The following HSPA4 variants were observed in gnomAD, a reference collection of about 807,000 sequenced individuals.
The protein encoded by HSPA4 is heat shock protein family A (Hsp70) member 4, also known as heat shock 70 kDa protein 4.
Under a neutral mutation model 106.2 loss-of-function variants are expected in HSPA4, and 25 were observed. The ratio of observed to expected loss-of-function variants is 0.24; its 90% CI spans 0.17 to 0.33. HSPA4 has a LOEUF of 0.33. HSPA4 is among the 10% of genes least tolerant of loss of function. HSPA4 has a pLI of 1.00. For synonymous variants in HSPA4, 332 were observed against 333.6 expected (o/e 1.00, Z 0.05); for missense variants, 841 against 996.0 (o/e 0.84, Z 2.10).
intron 6 of HSPA4, 104 bp downstream of exon 6, chr5:133,074,230 A>G (rs557194893): frequency 2.9e-6 from 2 of 683,028 alleles, no homozygotes; most frequent in Admixed American, 2.8e-5. Context: ...GAAACAATGC[A>G]TACCTTACAG....
At position 133,076,768 on chromosome 5, in the gene HSPA4, A is replaced by G. The variant is rs1765450718; in HGVS notation, c.778A>G (p.Ile260Val). The change falls in exon 7 of 19, where the codon ATC (isoleucine) becomes GTC (valine). Residue 260 changes from isoleucine to valine, a missense_variant. Physicochemically the swap from Ile to Val is conservative, Grantham distance 29. Coordinates refer to ENST00000304858, the MANE Select transcript of HSPA4 (RefSeq NM_002154.4). The stretch of plus-strand genomic sequence containing the variant: ...ATACAAGCTAGACATTAAGTCCAAA[A>G]TCCGTGCATTATTACGACTCTCTCA... ...KKYKLDIKSK[I>V]RALLRLSQEC... 3 of 1,613,970 alleles carry G rather than the reference A, an allele frequency of 1.9e-6. No homozygotes were observed. Among genetic ancestry groups the G allele is most frequent in the Admixed American group, 1.7e-5 (1 of 60,010 alleles).
chr5:133,091,000 TAAG>T, intron 11 of HSPA4, 190 bp from the exon 12 acceptor site: 2 of 677,138 alleles, frequency 3.0e-6, no homozygotes, highest in Admixed American at 2.0e-5. Flanking sequence ...GATAAGATAA[TAAG>T]AGACTGTGAA....
Position 133,096,100 on chromosome 5 carries a change from C to A in HSPA4, c.1653C>A (p.Thr551=). 3.7e-6 allele frequency: 6 copies of A among 1,612,966 alleles called. No homozygotes were observed. The highest frequency in any genetic ancestry group is 5.1e-6 in the Non-Finnish European group (6 of 1,179,398). ...CTTAATGATTTCTATTGTTTTAGACCTCTCAAGCTGGATCCAAGGATAAAA... is the reference window on the plus strand; with the variant it reads ...CTTAATGATTTCTATTGTTTTAGACATCTCAAGCTGGATCCAAGGATAAAA... ...ENKAESEEME[T]SQAGSKDKKM... Residue 551 remains threonine (T), a splice_region_variant and synonymous_variant, in exon 14 of 19, where the codon ACC becomes ACA. Coordinates refer to ENST00000304858, the MANE Select transcript of HSPA4 (RefSeq NM_002154.4).
intron 3 of HSPA4, among the ~76,000 whole-genome samples, chr5:133,068,431 A>AGG (rs375057052): frequency 4.1e-5 from 6 of 146,036 alleles, no homozygotes; most frequent in African/African-American, 1.5e-4. Context: ...GGAATCCATG[A>AGG]GGGGGGGTGG....
intron 7 of HSPA4, among the ~76,000 whole-genome samples, chr5:133,081,411 A>G (rs1338930699): frequency 6.6e-6 from 1 of 151,876 alleles, no homozygotes; most frequent in African/African-American, 2.4e-5. Flanking sequence ...TTTTGTGTTT[A>G]CTGTGTTGTT....
At chr5:133,074,270 TTCTTTTTTTTC>T (rs887934337) in intron 6 of HSPA4, 144 bp downstream of exon 6, 12 of 468,788 alleles carry the variant, frequency 2.6e-5, no homozygotes, top group Middle Eastern at 1.2e-3. Flanking sequence ...TTTCTTTTCT[TTCTTTTTTTTC>T]TCTTTTTTTT....
At chr5:133,077,045 T>A (rs1166667239) in intron 7 of HSPA4, 147 bp downstream of exon 7, 5 of 659,800 alleles carry the variant, frequency 7.6e-6, no homozygotes, top group Non-Finnish European at 1.3e-5. Flanking sequence ...TTCAGGACCC[T>A]GCTTTTTATG....
rs377304253 is a variant in HSPA4 at position 133,068,169 on chromosome 5, G to GGT, written c.306+613_306+614insTG. Among the ~76,000 whole-genome samples the GGT allele has an allele frequency of 1.4e-3, 208 of 152,304 alleles. 2 individuals are homozygous for GGT. Among genetic ancestry groups the GGT allele is most frequent in the African/African-American group, 4.9e-3 (203 of 41,558 alleles). On this transcript the variant is annotated intron_variant, in intron 3 of 18. Coordinates refer to ENST00000304858, the MANE Select transcript of HSPA4 (RefSeq NM_002154.4). ...AGCCTCCCAAAGTGCTGGGATTACA[G>GGT]GCGTGAGCCACCGCACCTGGTAGGA...
At chr5:133,092,629 G>T in intron 12 of HSPA4, 71 bp from the exon 13 acceptor site, 1 of 992,714 alleles carries the variant, frequency 1.0e-6, no homozygotes, top group South Asian at 1.3e-5. Context: ...ATAACTATGT[G>T]ACTTTGTCAA....
intron 7 of HSPA4, among the ~76,000 whole-genome samples, chr5:133,081,749 A>G (rs1246569192): frequency 6.6e-6 from 1 of 152,174 alleles, no homozygotes; most frequent in Admixed American, 6.5e-5. Flanking sequence ...GTTTGTGGGC[A>G]TATTTCATTA....
intron 6 of HSPA4, 78 bp downstream of exon 6, chr5:133,074,204 C>T: frequency 5.4e-6 from 5 of 926,558 alleles, no homozygotes; most frequent in Non-Finnish European, 8.1e-6. Context: ...GATTTTTTCT[C>T]ATCTACAATA....
At chr5:133,062,585 A>T (rs1412111528) in intron 1 of HSPA4, among the ~76,000 whole-genome samples, 1 of 152,010 alleles carries the variant, frequency 6.6e-6, no homozygotes, top group Non-Finnish European at 1.5e-5. Flanking sequence ...ATTTATTTGC[A>T]TCTAGTGTCT....
At position 133,104,038 on chromosome 5, in the gene HSPA4, CTT is replaced by C. The variant is rs746950249; in HGVS notation, c.2319+19_2319+20del. The stretch of plus-strand genomic sequence containing the variant: ...AAGCTAAAATTAAGGTAATTTAAGA[CTT>C]TTTTTTAATAGTCTTTTCTTGACAG... On this transcript the variant is annotated intron_variant, in intron 18 of 18. Transcript: ENST00000304858. The C allele has an allele frequency of 4.4e-6, 7 of 1,601,186 alleles. No homozygotes were observed. In the African/African-American group the frequency reaches 9.4e-5, roughly 22 times the overall value.
intron 4 of HSPA4, among the ~76,000 whole-genome samples, chr5:133,072,040 A>G (rs1430001165): frequency 2.0e-5 from 3 of 152,050 alleles, no homozygotes; most frequent in Admixed American, 6.6e-5. Flanking sequence ...TGGGAGTAAA[A>G]TTTATGTAAA....
rs1306763251 is a variant in HSPA4, at chr5:133,099,764, T to C, written c.2037+112T>C. The C allele has an allele frequency of 5.8e-6, 3 of 518,180 alleles. No homozygotes were observed. In the East Asian group the frequency reaches 8.5e-5, roughly 15 times the overall value. The allele number at this position is 518,180 out of a possible 1,614,324, so 32.1% of individuals were successfully genotyped here. A position where few individuals can be genotyped will look rare whatever the true frequency, so the allele number is the denominator to read the frequency against. On this transcript the variant is annotated intron_variant, in intron 16 of 18. Transcript: ENST00000304858. ...AAGACAGACTGAAAATGATGTTTGATGAACTAAAATAAACCCTTTATGACT... is the reference window on the plus strand; with the variant it reads ...AAGACAGACTGAAAATGATGTTTGACGAACTAAAATAAACCCTTTATGACT...
intron 3 of HSPA4, among the ~76,000 whole-genome samples, chr5:133,068,223 A>G (rs66490646): frequency 0.063 from 9,653 of 152,164 alleles, 882 homozygotes; most frequent in East Asian, 0.29. Flanking sequence ...TAGCAGATAG[A>G]TGGACATACT....
chr5:133,077,523 C>A (rs1021877021), intron 7 of HSPA4, among the ~76,000 whole-genome samples: 3 of 152,220 alleles, frequency 2.0e-5, no homozygotes, highest in African/African-American at 7.2e-5. Context: ...CAGGTGTGAG[C>A]CACCGTGCCT....
chr5:133,090,206 G>A (rs374172758), intron 11 of HSPA4, among the ~76,000 whole-genome samples: 10 of 151,720 alleles, frequency 6.6e-5, no homozygotes, highest in Middle Eastern at 3.4e-3. Flanking sequence ...AGGCCAAGGC[G>A]GGCAGGTCAG....
intron 2 of HSPA4, among the ~76,000 whole-genome samples, chr5:133,067,159 T>C (rs954707695): frequency 2.6e-5 from 4 of 152,206 alleles, no homozygotes; most frequent in African/African-American, 7.2e-5. Flanking sequence ...CTTATGCAAG[T>C]ATAATGACCT....
Sources: gnomAD v4.1 joint callset for allele counts (sites outside exome capture counted in the v4.1 genomes callset) on GRCh38, gnomAD v4.1.1 for gene constraint, MANE v1.5 for transcripts, NCBI Gene and HGNC (gene_info 2026-07-23, HGNC 2026-07-21) for gene names.